The following RIT2 variants were observed in gnomAD, a reference collection of about 807,000 sequenced individuals.
RIT2 encodes the protein GTP-binding protein Rit2.
A neutral mutation model predicts 23.7 loss-of-function variants in RIT2; 24 were observed. That is an observed-to-expected ratio of 1.01 (90% CI 0.73 to 1.43). The LOEUF is 1.43. Ranked by LOEUF, RIT2 falls within the 40% of genes most tolerant of loss-of-function variation. The probability of loss-of-function intolerance (pLI) is 0.00; values close to 1 mark genes in which losing one functional copy is unlikely to be tolerated. For synonymous variants in RIT2, 107 were observed against 91.1 expected (o/e 1.17, Z -0.99); for missense variants, 236 against 266.9 (o/e 0.88, Z 0.81).
chr18:42,878,699 C>T (rs756302678), intron 4 of RIT2, among the ~76,000 whole-genome samples: 6 of 151,806 alleles, frequency 4.0e-5, no homozygotes, highest in Non-Finnish European at 7.4e-5. Context: ...CAAAACATTT[C>T]GTTATTCTTT....
intron 4 of RIT2, among the ~76,000 whole-genome samples, chr18:42,807,777 T>G (rs1905725219): frequency 6.7e-6 from 1 of 149,282 alleles, no homozygotes; most frequent in South Asian, 2.1e-4. Flanking sequence ...CAAGATTACT[T>G]TAACACAAAG....
intron 4 of RIT2, among the ~76,000 whole-genome samples, chr18:42,804,892 C>A (rs187918391): frequency 6.6e-6 from 1 of 152,234 alleles, no homozygotes. Context: ...TGAGATAGTG[C>A]GCAGGGCAGT....
rs1182138488 is a variant in RIT2 at position 42,923,675 on chromosome 18, T to A, written c.323A>T (p.Gln108Leu). ...GAGCTCTTTAAACTTGGCAGCCTCC[T>A]GAAATGATTGACGGTCAGTGACGGA... ...CYSVTDRQSF[Q>L]EAAKFKELIF... Residue 108 changes from glutamine to leucine, a missense_variant, in exon 4 of 5, where the codon CAG (glutamine) becomes CTG (leucine). By Grantham distance (113) the Gln-to-Leu change is moderately radical (BLOSUM62 -2). Transcript: ENST00000326695. 1 of 1,613,194 alleles carries A rather than the reference T, an allele frequency of 6.2e-7. No individual in the cohort carries two copies. The highest frequency in any genetic ancestry group is 1.7e-5 in the Admixed American group (1 of 59,926).
chr18:43,066,488 C>T (rs1189558303), intron 1 of RIT2, among the ~76,000 whole-genome samples: 4 of 152,106 alleles, frequency 2.6e-5, no homozygotes, highest in Non-Finnish European at 5.9e-5. Flanking sequence ...CAATTGGGAA[C>T]ATTTGAAATA....
intron 1 of RIT2, among the ~76,000 whole-genome samples, chr18:43,052,137 G>A (rs930268387): frequency 2.6e-5 from 4 of 152,096 alleles, no homozygotes; most frequent in Non-Finnish European, 5.9e-5. Flanking sequence ...TTCAACAGTG[G>A]CTAATAAATA....
At chr18:43,109,470 G>T (rs1319966466) in intron 1 of RIT2, among the ~76,000 whole-genome samples, 1 of 152,026 alleles carries the variant, frequency 6.6e-6, no homozygotes, top group East Asian at 1.9e-4. Flanking sequence ...ATCCCTTTGT[G>T]CCCCTGTATA....
chr18:42,872,877 T>G (rs1907654659), intron 4 of RIT2, among the ~76,000 whole-genome samples: 1 of 152,162 alleles, frequency 6.6e-6, no homozygotes, highest in African/African-American at 2.4e-5. Context: ...ACCAGCTTCA[T>G]AAACATATGA....
chr18:43,060,925 G>A (rs141692914), intron 1 of RIT2, among the ~76,000 whole-genome samples: 133 of 152,064 alleles, frequency 8.7e-4, no homozygotes, highest in African/African-American at 5.1e-4. Flanking sequence ...CAGATACCCC[G>A]TATTTTTTTG....
chr18:42,753,200 C>A (rs1366532733), intron 4 of RIT2, among the ~76,000 whole-genome samples: 2 of 152,148 alleles, frequency 1.3e-5, no homozygotes, highest in East Asian at 1.9e-4. Flanking sequence ...GACTTTCAGT[C>A]CCAACAATCT....
chr18:42,786,852 G>A (rs1474069346), intron 4 of RIT2, among the ~76,000 whole-genome samples: 1 of 151,876 alleles, frequency 6.6e-6, no homozygotes, highest in African/African-American at 2.4e-5. Context: ...GAACTTCCCC[G>A]TGATCCTATG....
intron 4 of RIT2, among the ~76,000 whole-genome samples, chr18:42,861,759 C>T (rs999807916): frequency 2.0e-5 from 3 of 152,200 alleles, no homozygotes; most frequent in Non-Finnish European, 2.9e-5. Context: ...CATCCAGAGT[C>T]TCTCTGTCCT....
At position 42,815,580 on chromosome 18, in the gene RIT2, T is replaced by C. The variant is rs533251688; in HGVS notation, c.427-71860A>G. 2.0e-5 allele frequency among the ~76,000 whole-genome samples: 3 copies of C among 152,332 alleles called. No individual in the cohort carries two copies. The South Asian group carries it at 6.2e-4, about 32-fold the overall frequency. On this transcript the variant is annotated intron_variant, in intron 4 of 4. Coordinates refer to ENST00000326695, the MANE Select transcript of RIT2 (RefSeq NM_002930.4). ...TAACTGAGGAACATGTTGCTATCTA[T>C]ATACAGTATGTATGCAGAATTGAGA...
chr18:42,841,291 T>C (rs1474142320), intron 4 of RIT2, among the ~76,000 whole-genome samples: 1 of 152,200 alleles, frequency 6.6e-6, no homozygotes, highest in Non-Finnish European at 1.5e-5. Context: ...AAAACAGCCT[T>C]CAGTTTGCAT....
chr18:42,820,631 G>A (rs1906122100), intron 4 of RIT2, among the ~76,000 whole-genome samples: 1 of 152,116 alleles, frequency 6.6e-6, no homozygotes, highest in South Asian at 2.1e-4. Flanking sequence ...AAGTCACCAA[G>A]CCTATTAAGG....
At chr18:43,072,773 G>T (rs565795521) in intron 1 of RIT2, among the ~76,000 whole-genome samples, 3 of 152,080 alleles carry the variant, frequency 2.0e-5, no homozygotes, top group Non-Finnish European at 2.9e-5. Context: ...ATCTTGCAAG[G>T]TTGTAACTAA....
intron 3 of RIT2, among the ~76,000 whole-genome samples, chr18:42,925,985 A>C (rs1444251405): frequency 2.0e-5 from 3 of 151,832 alleles, no homozygotes. Flanking sequence ...ACAGGCATTT[A>C]GATGGCCTCC....
chr18:42,888,262 C>G (rs1908076002), intron 4 of RIT2, among the ~76,000 whole-genome samples: 1 of 151,878 alleles, frequency 6.6e-6, no homozygotes, highest in Non-Finnish European at 1.5e-5. Context: ...TGGGAACCTT[C>G]TATAGTTTCT....
chr18:43,047,598 TTAAAA>T (rs1268785300), intron 1 of RIT2, among the ~76,000 whole-genome samples: 13 of 151,890 alleles, frequency 8.6e-5, no homozygotes, highest in African/African-American at 2.9e-4. Context: ...GAAAATCAAG[TTAAAA>T]TAAAATAAAA....
At chr18:42,792,397 A>G (rs949944919) in intron 4 of RIT2, among the ~76,000 whole-genome samples, 6 of 152,156 alleles carry the variant, frequency 3.9e-5, no homozygotes, top group African/African-American at 1.4e-4. Context: ...ACTTCTTGCT[A>G]TTTACAATAT....
Sources: gnomAD v4.1 joint callset for allele counts (sites outside exome capture counted in the v4.1 genomes callset) on GRCh38, gnomAD v4.1.1 for gene constraint, MANE v1.5 for transcripts, NCBI Gene and HGNC (gene_info 2026-07-23, HGNC 2026-07-21) for gene names.